The following PRIM2 variants were observed in gnomAD, a reference collection of about 807,000 sequenced individuals.
The protein encoded by PRIM2 is DNA primase subunit 2, also known as DNA primase large subunit.
A neutral mutation model predicts 67.3 loss-of-function variants in PRIM2; 39 were observed. That is an observed-to-expected ratio of 0.58 (90% confidence interval 0.45 to 0.76). The LOEUF (loss-of-function observed/expected upper bound fraction) is 0.76. PRIM2 is among the 30% of genes least tolerant of loss of function. The pLI is 0.00. For synonymous variants in PRIM2, 143 were observed against 198.7 expected (o/e 0.72, Z 2.36); for missense variants, 398 against 598.7 (o/e 0.66, Z 3.50).
chr6:57,337,788 A>G (rs1768311755), intron 5 of PRIM2, among the ~76,000 whole-genome samples: 2 of 152,352 alleles, frequency 1.3e-5, no homozygotes, highest in South Asian at 2.1e-4. Context: ...CCCTAACATC[A>G]CAATTAGGAT....
At chr6:57,334,651 T>C (rs1274617529) in intron 5 of PRIM2, among the ~76,000 whole-genome samples, 1 of 152,100 alleles carries the variant, frequency 6.6e-6, no homozygotes, top group Non-Finnish European at 1.5e-5. Flanking sequence ...AACAAGACCC[T>C]GTCTCTCAAA....
At chr6:57,630,568 A>G (rs1480773105) in intron 12 of PRIM2, among the ~76,000 whole-genome samples, 1 of 151,880 alleles carries the variant, frequency 6.6e-6, no homozygotes, top group Non-Finnish European at 1.5e-5. Flanking sequence ...AAACATATAC[A>G]TACTAGATTG....
At chr6:57,250,492 A>G in the PRIM2 span, among the ~76,000 whole-genome samples, 40 of 152,354 alleles carry the variant, frequency 2.6e-4, no homozygotes, top group Non-Finnish European at 5.0e-4. Flanking sequence ...TTTATAATAA[A>G]TACTGTGAAA....
intron 5 of PRIM2, among the ~76,000 whole-genome samples, chr6:57,349,685 A>G (rs931594408): frequency 5.9e-5 from 9 of 152,256 alleles, no homozygotes; most frequent in South Asian, 2.1e-4. Context: ...GTGTAGTATT[A>G]TTAGCCCTGA....
At chr6:57,591,900 C>T (rs1157516894) in intron 10 of PRIM2, among the ~76,000 whole-genome samples, 3 of 151,880 alleles carry the variant, frequency 2.0e-5, no homozygotes, top group Admixed American at 6.5e-5. Flanking sequence ...CTCACAATAG[C>T]AAAGATATGA....
At chr6:57,556,425 A>T (rs1775514930) in intron 10 of PRIM2, among the ~76,000 whole-genome samples, 2 of 152,196 alleles carry the variant, frequency 1.3e-5, no homozygotes, top group Non-Finnish European at 2.9e-5. Flanking sequence ...ACAACATGGT[A>T]CTGGTACAAA....
intron 7 of PRIM2, among the ~76,000 whole-genome samples, chr6:57,482,704 GC>G (rs1773660417): frequency 6.6e-6 from 1 of 152,148 alleles, no homozygotes; most frequent in Non-Finnish European, 1.5e-5. Context: ...GAGCAAAGAT[GC>G]TTGATAAGAG....
chr6:57,337,146 A>G (rs1312672280), intron 5 of PRIM2, among the ~76,000 whole-genome samples: 1 of 152,232 alleles, frequency 6.6e-6, no homozygotes, highest in African/African-American at 2.4e-5. Context: ...GATCAATTCA[A>G]TAAGAAGAGC....
At chr6:57,413,659 A>G (rs1171336404) in intron 7 of PRIM2, among the ~76,000 whole-genome samples, 1 of 152,170 alleles carries the variant, frequency 6.6e-6, no homozygotes, top group Admixed American at 6.5e-5. Context: ...GAGGGGCTGT[A>G]GCAAATTCTG....
At chr6:57,592,972 G>A (rs1776307454) in intron 10 of PRIM2, among the ~76,000 whole-genome samples, 2 of 152,146 alleles carry the variant, frequency 1.3e-5, no homozygotes, top group Non-Finnish European at 2.9e-5. Context: ...CTAGACCCTG[G>A]GTGGGCTTGG....
chr6:57,378,674 A>G (rs1327377812), intron 5 of PRIM2, among the ~76,000 whole-genome samples: 1 of 152,146 alleles, frequency 6.6e-6, no homozygotes, highest in Non-Finnish European at 1.5e-5. Flanking sequence ...CCTTAAAACA[A>G]GTTCAAGGCT....
intron 7 of PRIM2, among the ~76,000 whole-genome samples, chr6:57,476,636 A>C (rs1286188039): frequency 6.6e-6 from 1 of 152,222 alleles, no homozygotes; most frequent in African/African-American, 2.4e-5. Context: ...TGAAAGATGA[A>C]TTTTCAGATG....
At chr6:57,372,650 A>G (rs550959164) in intron 5 of PRIM2, among the ~76,000 whole-genome samples, 1 of 152,230 alleles carries the variant, frequency 6.6e-6, no homozygotes, top group East Asian at 1.9e-4. Flanking sequence ...TTCTCCACCA[A>G]GTGTCCATAT....
intron 7 of PRIM2, among the ~76,000 whole-genome samples, chr6:57,495,598 A>G (rs1246209184): frequency 1.3e-5 from 2 of 152,196 alleles, no homozygotes; most frequent in Non-Finnish European, 2.9e-5. Flanking sequence ...GGAAATCTTT[A>G]TGTATTCTTG....
chr6:57,361,350 T>G (rs554609216), intron 5 of PRIM2, among the ~76,000 whole-genome samples: 85 of 152,264 alleles, frequency 5.6e-4, no homozygotes, highest in African/African-American at 2.0e-3. Flanking sequence ...GATGAAGCGC[T>G]TGGACACTGT....
chr6:57,476,204 A>C (rs1773474481), intron 7 of PRIM2, among the ~76,000 whole-genome samples: 1 of 152,208 alleles, frequency 6.6e-6, no homozygotes, highest in African/African-American at 2.4e-5. Context: ...AAATAGTAAA[A>C]TTATTGGAAT....
At chr6:57,234,695 T>C in the PRIM2 span, among the ~76,000 whole-genome samples, 2 of 152,138 alleles carry the variant, frequency 1.3e-5, no homozygotes, top group Admixed American at 6.6e-5. Context: ...AGCTAATTTT[T>C]TGTATTTTTA....
At chr6:57,423,614 G>A (rs1771529717) in intron 7 of PRIM2, among the ~76,000 whole-genome samples, 1 of 152,140 alleles carries the variant, frequency 6.6e-6, no homozygotes, top group Admixed American at 6.5e-5. Context: ...GTTAAAGATC[G>A]GAGACTAAGA....
chr6:57,315,327 C>T (rs75441032), upstream of PRIM2, among the ~76,000 whole-genome samples: 8,788 of 150,848 alleles, frequency 0.058, 338 homozygotes, highest in Admixed American at 0.083. Context: ...TCACATTGTC[C>T]AGTGGTTCAT....
Sources: gnomAD v4.1 joint callset for allele counts (sites outside exome capture counted in the v4.1 genomes callset) on GRCh38, gnomAD v4.1.1 for gene constraint, MANE v1.5 for transcripts, NCBI Gene and HGNC (gene_info 2026-07-23, HGNC 2026-07-21) for gene names.